REEP5: variants seen among roughly 807,000 people sequenced by gnomAD.
The protein encoded by REEP5 is receptor expression-enhancing protein 5.
REEP5 carries 24 observed loss-of-function variants against 22.4 expected under a neutral mutation model. That is an observed-to-expected ratio of 1.07 (90% confidence interval 0.78 to 1.51). The LOEUF is 1.51. Ranked by LOEUF, REEP5 falls within the 40% of genes most tolerant of loss-of-function variation. REEP5 has a pLI of 0.00. For missense variants in REEP5, 252 were observed against 233.0 expected (o/e 1.08, Z -0.53); for synonymous variants, 103 against 88.6 (o/e 1.16, Z -0.92).
chr5:112,896,072 G>A (rs147780329), intron 3 of REEP5: 1 of 152,758 alleles, frequency 6.5e-6, no homozygotes, highest in East Asian at 1.9e-4. Context: ...TTAACATGCA[G>A]TTACGGAACT....
chr5:112,916,627 T>C (rs1237378833), intron 2 of REEP5, among the ~76,000 whole-genome samples: 1 of 152,250 alleles, frequency 6.6e-6, no homozygotes, highest in Non-Finnish European at 1.5e-5. Flanking sequence ...TCAACTGTTT[T>C]TTTGAAAGGC....
At chr5:112,903,710 T>G (rs1048339881) in intron 2 of REEP5, among the ~76,000 whole-genome samples, 9 of 152,194 alleles carry the variant, frequency 5.9e-5, no homozygotes, top group African/African-American at 1.7e-4. Flanking sequence ...TAGAAGCAGC[T>G]ATGTGTGTGA....
At position 112,887,026 on chromosome 5, in the gene REEP5, A is replaced by T; in HGVS notation, c.509T>A (p.Ile170Asn). The T allele has an allele frequency of 2.5e-6, 4 of 1,603,010 alleles. No individual in the cohort carries two copies. Among genetic ancestry groups the T allele is most frequent in the Non-Finnish European group, 3.4e-6 (4 of 1,171,476 alleles). ...TTCCTGAGTCTTACCTTCTTTAGTGATGGCATCTGCAGTCTCTTTGGCCTT... is the reference window on the plus strand; with the variant it reads ...TTCCTGAGTCTTACCTTCTTTAGTGTTGGCATCTGCAGTCTCTTTGGCCTT... ...KDKAKETADA[I>N]TKEAKKATVN... Residue 170 changes from isoleucine (I) to asparagine (N), a missense_variant, in exon 4 of 5, where the codon ATC (isoleucine) becomes AAC (asparagine). Physicochemically the swap from Ile to Asn is moderately radical, Grantham distance 149 (BLOSUM62 -3). Transcript: ENST00000379638.
chr5:112,886,957 G>GAA (rs1768266554), intron 4 of REEP5, 58 bp downstream of exon 4: 7 of 1,302,658 alleles, frequency 5.4e-6, no homozygotes, highest in Non-Finnish European at 6.4e-6. Flanking sequence ...CCTGTTATTT[G>GAA]AGCCCAGTGT....
chr5:112,895,691 T>G (rs1379363244), intron 3 of REEP5: 1 of 152,230 alleles, frequency 6.6e-6, no homozygotes, highest in Non-Finnish European at 1.5e-5. Flanking sequence ...TAAAGTTAAT[T>G]ACTGTTCAAC....
At position 112,877,889 on chromosome 5, in the gene REEP5, T is replaced by G. The variant is rs1767945270; in HGVS notation, c.*897A>C. 1 of 152,166 alleles carries G rather than the reference T, an allele frequency of 6.6e-6. No individual in the cohort carries two copies. The highest frequency in any genetic ancestry group is 1.5e-5 in the Non-Finnish European group (1 of 68,028). 9.4% of individuals were successfully genotyped at this position (152,166 alleles called of 1,614,324 possible). ...AGATAAAACCAGAAATGGTTTCCAT[T>G]GTAGCATCTTGACAATAGACAAATA... On this transcript the variant is annotated 3_prime_UTR_variant, in exon 5 of 5. Coordinates refer to ENST00000379638, the MANE Select transcript of REEP5 (RefSeq NM_005669.5).
intron 2 of REEP5, among the ~76,000 whole-genome samples, chr5:112,920,737 A>C (rs1158292631): frequency 6.6e-6 from 1 of 152,192 alleles, no homozygotes; most frequent in East Asian, 1.9e-4. Context: ...CAATTAACGT[A>C]ATTATGAATT....
At chr5:112,883,463 T>C (rs1017932619) in intron 4 of REEP5, among the ~76,000 whole-genome samples, 8 of 152,174 alleles carry the variant, frequency 5.3e-5, no homozygotes, top group South Asian at 4.1e-4. Context: ...ACGCTCATGG[T>C]TTTCTTGCTA....
chr5:112,891,654 G>C, intron 3 of REEP5: 1 of 1,610,120 alleles, frequency 6.2e-7, no homozygotes, highest in Non-Finnish European at 8.5e-7. Flanking sequence ...CTGCACTTGA[G>C]AAGATGACGT....
At chr5:112,920,498 CATTGT>C (rs1428053368) in intron 2 of REEP5, among the ~76,000 whole-genome samples, 1 of 152,070 alleles carries the variant, frequency 6.6e-6, no homozygotes, top group Non-Finnish European at 1.5e-5. Flanking sequence ...AAAATAAACA[CATTGT>C]AGAATAAAAA....
At chr5:112,881,562 T>C (rs1485523298) in intron 4 of REEP5, among the ~76,000 whole-genome samples, 1 of 152,192 alleles carries the variant, frequency 6.6e-6, no homozygotes, top group African/African-American at 2.4e-5. Context: ...AAGTGGTGGC[T>C]GTTTCTTTCC....
At position 112,883,039 on chromosome 5, in the gene REEP5, C is replaced by T. The variant is rs368476015; in HGVS notation, c.520+3976G>A. Among the ~76,000 whole-genome samples the T allele has an allele frequency of 2.8e-4, 43 of 152,352 alleles. No individual in the cohort carries two copies. The Middle Eastern group carries it at 0.01, about 36-fold the overall frequency. On this transcript the variant is annotated intron_variant, in intron 4 of 4. Coordinates refer to ENST00000379638, the MANE Select transcript of REEP5 (RefSeq NM_005669.5). ...TCACTGGTCAAGGACAGAGCTCCAA[C>T]AATTCACCCTCTCACTCCTATCATC...
intron 3 of REEP5, among the ~76,000 whole-genome samples, chr5:112,901,899 G>A (rs1768857225): frequency 6.6e-6 from 1 of 150,532 alleles, no homozygotes; most frequent in African/African-American, 2.4e-5. Flanking sequence ...GGGGGTGGAG[G>A]TTGCAGTGAG....
chr5:112,884,328 T>C (rs1257169211), intron 4 of REEP5, among the ~76,000 whole-genome samples: 3 of 152,162 alleles, frequency 2.0e-5, no homozygotes, highest in Admixed American at 2.0e-4. Context: ...TCCGGACTTC[T>C]GTATATGCAG....
chr5:112,910,838 C>A (rs550440259), intron 2 of REEP5, among the ~76,000 whole-genome samples: 2 of 152,290 alleles, frequency 1.3e-5, no homozygotes, highest in East Asian at 3.9e-4. Flanking sequence ...ACCCACAGAG[C>A]CCTGATTTTA....
At position 112,877,013 on chromosome 5, in the gene REEP5, C is replaced by T. The variant is rs1285323129; in HGVS notation, c.*1773G>A. The T allele has an allele frequency of 6.6e-6, 1 of 152,004 alleles. No homozygotes were observed. Among genetic ancestry groups the T allele is most frequent in the Non-Finnish European group, 1.5e-5 (1 of 67,968 alleles). The allele number at this position is 152,004 out of a possible 1,614,324, so 9.4% of individuals were successfully genotyped here. On this transcript the variant is annotated 3_prime_UTR_variant, in exon 5 of 5. Transcript: ENST00000379638. ...GATTTTCATTCTGCCACCAAGAAAA[C>T]TGTACTTTTATTTATGGGAAAAGGA...
intron 3 of REEP5, among the ~76,000 whole-genome samples, chr5:112,900,666 T>C (rs964716029): frequency 6.6e-6 from 1 of 151,994 alleles, no homozygotes; most frequent in African/African-American, 2.4e-5. Flanking sequence ...TTAACTATGG[T>C]TCCTGTGTGC....
chr5:112,878,960 G>T, intron 4 of REEP5, 125 bp from the exon 5 acceptor site: 1 of 1,451,130 alleles, frequency 6.9e-7, no homozygotes, highest in South Asian at 1.2e-5. Flanking sequence ...GTTCAGGTGC[G>T]ATCATGTTGG....
At chr5:112,892,017 G>C (rs772720429) in intron 3 of REEP5, 1 of 1,317,294 alleles carries the variant, frequency 7.6e-7, no homozygotes, top group African/African-American at 1.5e-5. Flanking sequence ...AGAGAGAAGA[G>C]GAGGAGCAGA....
Sources: allele counts gnomAD v4.1 joint callset (sites outside exome capture counted in the v4.1 genomes callset), GRCh38; gene constraint gnomAD v4.1.1; transcripts MANE v1.5; gene names NCBI Gene and HGNC (gene_info 2026-07-23, HGNC 2026-07-21).